The following PKP4 variants were observed in gnomAD, a reference collection of about 807,000 sequenced individuals.
PKP4 encodes plakophilin 4.
In PKP4, 90 loss-of-function variants were observed where a neutral mutation model predicts 145.1. The observed-to-expected ratio is 0.62, with a 90% confidence interval of 0.52 to 0.74. The LOEUF (loss-of-function observed/expected upper bound fraction) is 0.74, where lower values mean the gene tolerates loss of function less well. PKP4 is among the 30% of genes least tolerant of loss of function. PKP4 has a pLI of 0.00. For synonymous variants in PKP4, 563 were observed against 577.2 expected, an observed-to-expected ratio of 0.98 and a Z score of 0.35; for missense variants, 1,340 against 1,482.7, an observed-to-expected ratio of 0.90 and a Z score of 1.58.
At chr2:158,660,563 T>C (rs1657051615) in intron 12 of PKP4, 3 of 152,576 alleles carry the variant, frequency 2.0e-5, no homozygotes, top group Admixed American at 2.0e-4. Flanking sequence ...GTTTTGCAAA[T>C]TCTCAATTTG....
At chr2:158,511,854 T>A (rs776551236) in intron 1 of PKP4, among the ~76,000 whole-genome samples, 22 of 152,064 alleles carry the variant, frequency 1.4e-4, no homozygotes, top group Non-Finnish European at 2.6e-4. Flanking sequence ...TCATGAAAGA[T>A]ACCCTACTCT....
intron 10 of PKP4, 119 bp from the exon 11 acceptor site, chr2:158,642,367 T>A: frequency 1.4e-6 from 1 of 733,432 alleles, no homozygotes; most frequent in Non-Finnish European, 2.1e-6. Flanking sequence ...GAATAAAAAG[T>A]AACCTTTGAA....
chr2:158,479,650 G>A (rs1693039341), intron 1 of PKP4, among the ~76,000 whole-genome samples: 1 of 152,110 alleles, frequency 6.6e-6, no homozygotes, highest in African/African-American at 2.4e-5. Flanking sequence ...TCATGGTGAT[G>A]TCTTTATCAA....
chr2:158,529,447 T>TC (rs1313152301), intron 1 of PKP4, among the ~76,000 whole-genome samples: 2 of 152,186 alleles, frequency 1.3e-5, no homozygotes, highest in Non-Finnish European at 2.9e-5. Context: ...ATTCACATCC[T>TC]CCCTGTCCCC....
intron 1 of PKP4, among the ~76,000 whole-genome samples, chr2:158,508,019 T>C (rs2041146676): frequency 6.6e-6 from 1 of 151,930 alleles, no homozygotes; most frequent in Non-Finnish European, 1.5e-5. Context: ...TTTCCCCCAC[T>C]CAAAGACCAT....
chr2:158,676,971 C>T (rs755800219), intron 20 of PKP4, 104 bp downstream of exon 20: 30 of 1,328,628 alleles, frequency 2.3e-5, no homozygotes, highest in Non-Finnish European at 3.0e-5. Flanking sequence ...TGAGACAGTC[C>T]CCCAGCAGCA....
At chr2:158,466,508 A>G (rs1690634523) in intron 1 of PKP4, among the ~76,000 whole-genome samples, 1 of 151,542 alleles carries the variant, frequency 6.6e-6, no homozygotes, top group Admixed American at 6.6e-5. Flanking sequence ...ACCAGCCTGG[A>G]CAACATGGTG....
intron 15 of PKP4, chr2:158,666,202 C>T (rs2057067878): frequency 2.9e-6 from 1 of 350,108 alleles, no homozygotes; most frequent in Admixed American, 4.8e-5. Flanking sequence ...GATTTTCAGG[C>T]TTTGGGATTT....
chr2:158,497,942 G>GCACAAA (rs1695981077), intron 1 of PKP4, among the ~76,000 whole-genome samples: 1 of 152,168 alleles, frequency 6.6e-6, no homozygotes, highest in African/African-American at 2.4e-5. Flanking sequence ...TGTAGGGTGG[G>GCACAAA]ACACAGGTGC....
chr2:158,535,695 A>C (rs1055288951), intron 2 of PKP4, among the ~76,000 whole-genome samples: 1 of 152,166 alleles, frequency 6.6e-6, no homozygotes, highest in Non-Finnish European at 1.5e-5. Context: ...TGTGAGGATT[A>C]TAAGTGTGAG....
chr2:158,464,858 C>CT (rs1333076461), intron 1 of PKP4, among the ~76,000 whole-genome samples: 1 of 152,210 alleles, frequency 6.6e-6, no homozygotes, highest in Non-Finnish European at 1.5e-5. Context: ...GGACTGTAGA[C>CT]AATTAGTACT....
chr2:158,679,433 A>G (rs2058283893), intron 21 of PKP4: 1 of 152,210 alleles, frequency 6.6e-6, no homozygotes, highest in Non-Finnish European at 1.5e-5. Flanking sequence ...TTCATAATTT[A>G]TGCTATGGTT....
At chr2:158,648,819 T>G (rs1171585142) in intron 11 of PKP4, among the ~76,000 whole-genome samples, 1 of 152,086 alleles carries the variant, frequency 6.6e-6, no homozygotes, top group Non-Finnish European at 1.5e-5. Flanking sequence ...GCCAACATGG[T>G]GAAACCCCAT....
At chr2:158,638,855 T>C (rs1574905093) in intron 9 of PKP4, among the ~76,000 whole-genome samples, 2 of 152,218 alleles carry the variant, frequency 1.3e-5, no homozygotes, top group African/African-American at 4.8e-5. Flanking sequence ...TATAGATTCC[T>C]GTGCAGATAG....
intron 4 of PKP4, among the ~76,000 whole-genome samples, chr2:158,617,012 G>A (rs543060020): frequency 2.6e-5 from 4 of 152,070 alleles, no homozygotes; most frequent in Non-Finnish European, 4.4e-5. Context: ...TTAATGAGGT[G>A]GATAATATAC....
At chr2:158,543,556 C>T (rs1255444754) in intron 2 of PKP4, among the ~76,000 whole-genome samples, 2 of 152,112 alleles carry the variant, frequency 1.3e-5, no homozygotes, top group Non-Finnish European at 2.9e-5. Context: ...AAAGTGTGTG[C>T]TCTGTATATT....
intron 1 of PKP4, among the ~76,000 whole-genome samples, chr2:158,507,960 T>A (rs2356186): frequency 6.6e-6 from 1 of 151,878 alleles, no homozygotes; most frequent in Admixed American, 6.6e-5. Context: ...TTACCTCTGC[T>A]CTGCCACAGG....
At chr2:158,467,478 G>T (rs1484726378) in intron 1 of PKP4, among the ~76,000 whole-genome samples, 1 of 150,248 alleles carries the variant, frequency 6.7e-6, no homozygotes, top group East Asian at 2.0e-4. Flanking sequence ...CTTGAGCCTG[G>T]GAGGGCAAGA....
At chr2:158,510,927 A>G (rs2041450965) in intron 1 of PKP4, among the ~76,000 whole-genome samples, 1 of 152,252 alleles carries the variant, frequency 6.6e-6, no homozygotes, top group South Asian at 2.1e-4. Context: ...CTACCACTGC[A>G]TCTGCTCTAC....
Sources: allele counts gnomAD v4.1 joint callset (sites outside exome capture counted in the v4.1 genomes callset), GRCh38; gene constraint gnomAD v4.1.1; transcripts MANE v1.5; gene names NCBI Gene and HGNC (gene_info 2026-07-23, HGNC 2026-07-21).